SORBS3: variants seen among roughly 807,000 people sequenced by gnomAD.
SORBS3 encodes the protein vinexin.
SORBS3 carries 69 observed loss-of-function variants against 98.0 expected under a neutral mutation model. The observed-to-expected ratio is 0.70, with a 90% CI of 0.58 to 0.86. The LOEUF is 0.86. Among genes scored for constraint, SORBS3 ranks in the 40% least tolerant of loss-of-function variants. SORBS3 has a pLI of 0.00. For missense variants in SORBS3, 954 were observed against 908.5 expected (o/e 1.05, Z -0.64); for synonymous variants, 394 against 355.4 (o/e 1.11, Z -1.22).
chr8:22,565,725 T>A, intron 11 of SORBS3, 101 bp from the exon 12 acceptor site: 1 of 1,239,052 alleles, frequency 8.1e-7, no homozygotes, highest in Non-Finnish European at 1.0e-6. Context: ...TCCCGCCCGC[T>A]CTCCTCCCCT....
At chr8:22,551,525 C>CT (rs956658680), upstream of SORBS3, among the ~76,000 whole-genome samples, 98 of 152,248 alleles carry the variant, frequency 6.4e-4, no homozygotes, top group Non-Finnish European at 1.2e-3. This position sits in a 1 kb window ranked among gnomAD's most constrained non-coding sequence, Gnocchi z 5.8. Context: ...GCTGGAAACT[C>CT]TGAGTGGCCC....
intron 18 of SORBS3, 44 bp downstream of exon 18, chr8:22,571,265 C>A (rs777171304): frequency 8.7e-7 from 1 of 1,143,288 alleles, no homozygotes; most frequent in Admixed American, 2.2e-5. Flanking sequence ...TCCTCCTCAC[C>A]CCTCATCCCC....
chr8:22,563,887 C>A, intron 7 of SORBS3, 100 bp from the exon 8 acceptor site: 4 of 882,580 alleles, frequency 4.5e-6, no homozygotes, highest in Admixed American at 3.6e-5. Context: ...GCAGAGTAGA[C>A]CCCACAGCAG....
rs1840689886 is a variant in SORBS3, at chr8:22,574,852, G to A, written c.*124G>A. The A allele has an allele frequency of 1.1e-6, 1 of 941,652 alleles. No homozygotes were observed. Among genetic ancestry groups the A allele is most frequent in the Non-Finnish European group, 1.7e-6 (1 of 580,342 alleles). 58.3% of individuals were successfully genotyped at this position (941,652 alleles called of 1,614,324 possible). On this transcript the variant is annotated 3_prime_UTR_variant, in exon 21 of 21. Transcript: ENST00000240123. ...ACCTGAGCTCCCAGCATCTGCAGACGACCCCCGCAGCCTTTCCCTCGGACC... is the reference window on the plus strand; with the variant it reads ...ACCTGAGCTCCCAGCATCTGCAGACAACCCCCGCAGCCTTTCCCTCGGACC...
At chr8:22,572,492 G>A in intron 20 of SORBS3, 46 bp downstream of exon 20, 1 of 1,430,892 alleles carries the variant, frequency 7.0e-7, no homozygotes, top group Non-Finnish European at 9.9e-7. Flanking sequence ...CCCAGGGGAT[G>A]TGGGTGGGGT....
chr8:22,573,245 G>C (rs1423466825), intron 20 of SORBS3: 4 of 442,840 alleles, frequency 9.0e-6, no homozygotes, highest in Non-Finnish European at 1.8e-5. Context: ...GTGGGGGAGG[G>C]AGGGAGGCGG....
At chr8:22,556,374 G>T (rs542567534) in intron 3 of SORBS3, among the ~76,000 whole-genome samples, 1 of 152,180 alleles carries the variant, frequency 6.6e-6, no homozygotes, top group Non-Finnish European at 1.5e-5. Flanking sequence ...ATTCAAGTCT[G>T]TCCCCTCTAA....
At chr8:22,574,577 T>C in intron 20 of SORBS3, 90 bp from the exon 21 acceptor site, 1 of 1,324,646 alleles carries the variant, frequency 7.5e-7, no homozygotes, top group Middle Eastern at 2.0e-4. Flanking sequence ...CCTACAGTTC[T>C]GGGCACTGCC....
upstream of SORBS3, chr8:22,551,872 C>T: frequency 1.0e-6 from 1 of 985,290 alleles, no homozygotes; most frequent in Non-Finnish European, 1.2e-6. The surrounding 1 kb of genome is among the most constrained non-coding windows in gnomAD (Gnocchi z 5.8). Context: ...CCGGCCCGGC[C>T]CGGCCCGTCC....
rs1010989519 is a variant in SORBS3 at position 22,564,718 on chromosome 8, T to C, written c.816+197T>C. 11 of 1,410,932 alleles carry C rather than the reference T, an allele frequency of 7.8e-6. No homozygotes were observed. In the Admixed American group the frequency reaches 8.6e-5, roughly 11 times the overall value. 87.4% of individuals were successfully genotyped at this position (1,410,932 alleles called of 1,614,324 possible). A position where few individuals can be genotyped will look rare whatever the true frequency, so the allele number is the denominator to read the frequency against. On this transcript the variant is annotated intron_variant, in intron 10 of 20. Coordinates refer to ENST00000240123, the MANE Select transcript of SORBS3 (RefSeq NM_005775.5). ...GCTCAGTAAACATGTGTTAAATAAA[T>C]ATGTGTTGGCCAAAGCAGGAGCAGA...
chr8:22,564,743 A>T, intron 10 of SORBS3: 2 of 1,419,306 alleles, frequency 1.4e-6, no homozygotes, highest in South Asian at 3.0e-5. Context: ...GCAGGAGCAG[A>T]AAAGGGAGTG....
Position 22,561,380 on chromosome 8 carries a change from G to T in SORBS3, c.517+7G>T. 1 of 1,612,616 alleles carries T rather than the reference G, an allele frequency of 6.2e-7. No homozygotes were observed. Among genetic ancestry groups the T allele is most frequent in the Non-Finnish European group, 8.5e-7 (1 of 1,179,408 alleles). ...TTCGAGGAGCCACCCAGAGGTGAGGGGATGCGGGCCCACCTGCCTGCCATA... is the reference window on the plus strand; with the variant it reads ...TTCGAGGAGCCACCCAGAGGTGAGGTGATGCGGGCCCACCTGCCTGCCATA... On this transcript the variant is annotated splice_region_variant and intron_variant, in intron 6 of 20. Coordinates refer to ENST00000240123, the MANE Select transcript of SORBS3 (RefSeq NM_005775.5).
At chr8:22,551,630 G>A (rs1840082855), upstream of SORBS3, 2 of 601,404 alleles carry the variant, frequency 3.3e-6, no homozygotes, top group Non-Finnish European at 4.2e-6. The surrounding 1 kb of genome is among the most constrained non-coding windows in gnomAD (Gnocchi z 5.8). Context: ...GGGACCCTCG[G>A]CGGCCCCTCC....
chr8:22,566,620 C>A, intron 13 of SORBS3, 41 bp from the exon 14 acceptor site: 2 of 1,584,548 alleles, frequency 1.3e-6, no homozygotes, highest in Non-Finnish European at 1.7e-6. Flanking sequence ...CCCCATCCCC[C>A]AGGTATGGCC....
At chr8:22,569,714 A>C (rs540550321) in intron 17 of SORBS3, among the ~76,000 whole-genome samples, 9 of 152,168 alleles carry the variant, frequency 5.9e-5, no homozygotes, top group African/African-American at 2.2e-4. Flanking sequence ...AGTCTCTTTC[A>C]TTATGCTTCC....
chr8:22,574,587 C>A, intron 20 of SORBS3, 80 bp from the exon 21 acceptor site: 1 of 1,422,996 alleles, frequency 7.0e-7, no homozygotes, highest in Non-Finnish European at 9.8e-7. Flanking sequence ...TGGGCACTGC[C>A]GGCAGGGGGC....
chr8:22,571,882 CA>C, intron 19 of SORBS3, 61 bp downstream of exon 19: 2 of 1,192,518 alleles, frequency 1.7e-6, no homozygotes, highest in Non-Finnish European at 2.5e-6. Flanking sequence ...GGCAATGCCC[CA>C]TATTCCACCC....
At chr8:22,549,742 T>C (rs1309113446), upstream of SORBS3, among the ~76,000 whole-genome samples, 1 of 152,182 alleles carries the variant, frequency 6.6e-6, no homozygotes, top group African/African-American at 2.4e-5. Context: ...CGCCTCCTCC[T>C]GCAAAGCTGT....
rs115451345 is a variant in SORBS3, at chr8:22,560,563, G to A, written c.479-772G>A. ...TGGTGACAAATGCAGCTGATGGGTT[G>A]AGTAAGATGAATACTTAGAATTGAC... On this transcript the variant is annotated intron_variant, in intron 5 of 20. Coordinates refer to ENST00000240123, the MANE Select transcript of SORBS3 (RefSeq NM_005775.5). Among the ~76,000 whole-genome samples, 729 of 152,294 alleles carry A rather than the reference G, an allele frequency of 4.8e-3. 7 individuals are homozygous for A. The highest frequency in any genetic ancestry group is 0.017 in the African/African-American group (686 of 41,550).
Sources: gnomAD v4.1 joint callset for allele counts (sites outside exome capture counted in the v4.1 genomes callset) on GRCh38, gnomAD v4.1.1 for gene constraint, Gnocchi (gnomAD v3.1) non-coding constraint, MANE v1.5 for transcripts, NCBI Gene and HGNC (gene_info 2026-07-23, HGNC 2026-07-21) for gene names.